Variants in KCND2 observed in about 807,000 individuals in gnomAD.
The protein encoded by KCND2 is A-type voltage-gated potassium channel KCND2.
A neutral mutation model predicts 54.4 loss-of-function variants in KCND2; 16 were observed. That is an observed-to-expected ratio of 0.29 (90% confidence interval 0.20 to 0.45). KCND2 has a LOEUF of 0.45. Among genes scored for constraint, KCND2 ranks in the 20% least tolerant of loss-of-function variants. The pLI is 1.00. For missense variants in KCND2, 486 were observed against 824.2 expected (o/e 0.59, Z 5.02); for synonymous variants, 317 against 310.7 (o/e 1.02, Z -0.21).
At chr7:120,674,185 T>C (rs546545966) in intron 1 of KCND2, among the ~76,000 whole-genome samples, 26 of 152,250 alleles carry the variant, frequency 1.7e-4, no homozygotes, top group African/African-American at 5.1e-4. Flanking sequence ...ATTACAGGCA[T>C]GAGCCACTAC....
At chr7:120,634,796 T>A (rs979664594) in intron 1 of KCND2, among the ~76,000 whole-genome samples, 1 of 152,230 alleles carries the variant, frequency 6.6e-6, no homozygotes, top group Non-Finnish European at 1.5e-5. Flanking sequence ...AAAGTCCTGA[T>A]GAGGCTCCCA....
intron 1 of KCND2, among the ~76,000 whole-genome samples, chr7:120,511,937 A>G (rs1803122086): frequency 6.6e-6 from 1 of 152,118 alleles, no homozygotes; most frequent in Admixed American, 6.6e-5. Context: ...ACTGGCACAA[A>G]TGGAATTTCT....
At chr7:120,489,839 A>G (rs909447958) in intron 1 of KCND2, among the ~76,000 whole-genome samples, 8 of 152,080 alleles carry the variant, frequency 5.3e-5, no homozygotes, top group African/African-American at 1.9e-4. Context: ...AAATACTTAC[A>G]TTTCTATTGT....
intron 1 of KCND2, among the ~76,000 whole-genome samples, chr7:120,579,456 G>T (rs1409582513): frequency 6.6e-6 from 1 of 151,728 alleles, no homozygotes; most frequent in African/African-American, 2.4e-5. Context: ...ACAAAAATTA[G>T]CTGGGCATGG....
intron 1 of KCND2, among the ~76,000 whole-genome samples, chr7:120,463,786 A>T (rs1802322314): frequency 6.6e-6 from 1 of 152,144 alleles, no homozygotes; most frequent in African/African-American, 2.4e-5. Flanking sequence ...GCAGGTTGGA[A>T]AAGCCATAGG....
chr7:120,594,872 T>C (rs1584845674), intron 1 of KCND2, among the ~76,000 whole-genome samples: 1 of 150,824 alleles, frequency 6.6e-6, no homozygotes, highest in Non-Finnish European at 1.5e-5. Flanking sequence ...ATACAAAAAT[T>C]AGCTGGGCAT....
At chr7:120,285,748 T>C (rs1019347732) in intron 1 of KCND2, among the ~76,000 whole-genome samples, 17 of 151,974 alleles carry the variant, frequency 1.1e-4, no homozygotes, top group Admixed American at 2.6e-4. Flanking sequence ...TTTCTGCTTT[T>C]GCATTTAAAA....
intron 1 of KCND2, among the ~76,000 whole-genome samples, chr7:120,586,112 A>G (rs1792596716): frequency 6.6e-6 from 1 of 152,092 alleles, no homozygotes; most frequent in Admixed American, 6.6e-5. Context: ...AGATTTTTAT[A>G]AATTTTAGGT....
chr7:120,402,468 A>G (rs1801278297), intron 1 of KCND2, among the ~76,000 whole-genome samples: 1 of 152,076 alleles, frequency 6.6e-6, no homozygotes, highest in Non-Finnish European at 1.5e-5. Flanking sequence ...GAAGCAGGCG[A>G]TAGTGGATAT....
At chr7:120,437,496 C>T (rs1584778709) in intron 1 of KCND2, among the ~76,000 whole-genome samples, 1 of 152,004 alleles carries the variant, frequency 6.6e-6, no homozygotes, top group South Asian at 2.1e-4. Context: ...GCCACTGTGC[C>T]CAGCCCCAAT....
intron 1 of KCND2, among the ~76,000 whole-genome samples, chr7:120,536,333 G>A (rs1791906679): frequency 6.6e-6 from 1 of 152,120 alleles, no homozygotes; most frequent in Non-Finnish European, 1.5e-5. Context: ...TTGCCTTGAT[G>A]TTGATGGTTG....
intron 1 of KCND2, among the ~76,000 whole-genome samples, chr7:120,554,864 C>T (rs1336936747): frequency 6.6e-6 from 1 of 152,108 alleles, no homozygotes; most frequent in Admixed American, 6.5e-5. Flanking sequence ...ACAGATGGTT[C>T]CACCTTTCCT....
chr7:120,403,307 T>C (rs1316978353), intron 1 of KCND2, among the ~76,000 whole-genome samples: 1 of 149,608 alleles, frequency 6.7e-6, no homozygotes, highest in African/African-American at 2.5e-5. Context: ...ATCACCCTAT[T>C]ATTCATGTTT....
intron 1 of KCND2, among the ~76,000 whole-genome samples, chr7:120,358,873 A>G (rs1800547917): frequency 6.6e-6 from 1 of 152,210 alleles, no homozygotes; most frequent in Admixed American, 6.6e-5. Context: ...TCACAACTAT[A>G]TGCAAATATT....
intron 1 of KCND2, among the ~76,000 whole-genome samples, chr7:120,487,232 T>G (rs1802707542): frequency 6.6e-6 from 1 of 151,656 alleles, no homozygotes; most frequent in African/African-American, 2.4e-5. Flanking sequence ...TAAGTAAAGA[T>G]TTTTTTTTAA....
chr7:120,419,999 C>CAA (rs34892437), intron 1 of KCND2, among the ~76,000 whole-genome samples: 18 of 82,806 alleles, frequency 2.2e-4, no homozygotes, highest in South Asian at 3.3e-4. Flanking sequence ...GTTTATTCTA[C>CAA]AAAAAAAAAA....
At chr7:120,523,624 T>C (rs1468188883) in intron 1 of KCND2, among the ~76,000 whole-genome samples, 6 of 148,434 alleles carry the variant, frequency 4.0e-5, no homozygotes. Flanking sequence ...CATATACACA[T>C]ATATAGTATG....
chr7:120,337,226 C>A lies in KCND2; in HGVS notation c.1115+61479C>A, dbSNP rs181159349. On this transcript the variant is annotated intron_variant, in intron 1 of 5. Transcript: ENST00000331113. ...ACCACCTAGAAAACCAAATAAGATT[C>A]TTTTTATTTATTTAGTCTTTGCAAA... Among the ~76,000 whole-genome samples, 264 of 152,010 alleles carry A rather than the reference C, an allele frequency of 1.7e-3. 3 individuals are homozygous for A. The highest frequency in any genetic ancestry group is 0.016 in the Admixed American group (243 of 15,280).
chr7:120,669,020 A>G (rs1483692687), intron 1 of KCND2, among the ~76,000 whole-genome samples: 1 of 152,076 alleles, frequency 6.6e-6, no homozygotes, highest in Non-Finnish European at 1.5e-5. Flanking sequence ...TCAGTGTATA[A>G]ATGGATTGAT....
Sources: allele counts gnomAD v4.1 joint callset (sites outside exome capture counted in the v4.1 genomes callset), GRCh38; gene constraint gnomAD v4.1.1; transcripts MANE v1.5; gene names NCBI Gene and HGNC (gene_info 2026-07-23, HGNC 2026-07-21).